The following CSRNP3 variants were observed in gnomAD, a reference collection of about 807,000 sequenced individuals.
The protein encoded by CSRNP3 is cysteine and serine rich nuclear protein 3.
A neutral mutation model predicts 48.0 loss-of-function variants in CSRNP3; 12 were observed. The ratio of observed to expected loss-of-function variants is 0.25; its 90% CI spans 0.16 to 0.41. The LOEUF (loss-of-function observed/expected upper bound fraction) is 0.41. CSRNP3 is among the 10% of genes least tolerant of loss of function. The pLI is 1.00. For missense variants in CSRNP3, 580 were observed against 724.4 expected (o/e 0.80, Z 2.29); for synonymous variants, 263 against 269.7 (o/e 0.98, Z 0.24).
intron 3 of CSRNP3, among the ~76,000 whole-genome samples, chr2:165,559,801 T>C (rs946342220): frequency 7.3e-6 from 1 of 137,276 alleles, no homozygotes; most frequent in Non-Finnish European, 1.6e-5. Context: ...TCTTTCTTTT[T>C]TTTTTTTTTT....
intron 3 of CSRNP3, among the ~76,000 whole-genome samples, chr2:165,573,560 T>G (rs1685404002): frequency 6.6e-6 from 1 of 152,222 alleles, no homozygotes. Context: ...ATATGAATCT[T>G]TAGATTTAAA....
chr2:165,632,511 T>C (rs959454073), intron 4 of CSRNP3, among the ~76,000 whole-genome samples: 6 of 151,912 alleles, frequency 3.9e-5, no homozygotes, highest in Non-Finnish European at 8.8e-5. Flanking sequence ...CCTGTCTCTT[T>C]AAAAAAAATA....
intron 3 of CSRNP3, among the ~76,000 whole-genome samples, chr2:165,567,229 T>TTA (rs1183561758): frequency 6.6e-6 from 1 of 152,112 alleles, no homozygotes; most frequent in Non-Finnish European, 1.5e-5. Context: ...TAAGAAGAAA[T>TTA]CATTACAGTC....
chr2:165,555,422 A>G (rs984265774), intron 3 of CSRNP3, among the ~76,000 whole-genome samples: 1 of 152,210 alleles, frequency 6.6e-6, no homozygotes, highest in Non-Finnish European at 1.5e-5. Context: ...CAAGCCCAAA[A>G]CCATAGAGCA....
intron 3 of CSRNP3, chr2:165,572,725 G>A (rs1685391256): frequency 6.6e-6 from 1 of 152,132 alleles, no homozygotes; most frequent in African/African-American, 2.4e-5. Flanking sequence ...CACTTGAATT[G>A]ACCCAATGCG....
intron 3 of CSRNP3, among the ~76,000 whole-genome samples, chr2:165,529,141 T>C (rs943495797): frequency 6.6e-6 from 1 of 152,118 alleles, no homozygotes; most frequent in Non-Finnish European, 1.5e-5. Context: ...AAAATCAGAA[T>C]GAGATATTGC....
intron 3 of CSRNP3, among the ~76,000 whole-genome samples, chr2:165,569,952 G>A (rs1054335066): frequency 4.6e-5 from 7 of 151,296 alleles, no homozygotes; most frequent in Admixed American, 3.9e-4. Context: ...TTGTTTGTCT[G>A]TGTTGTTAGA....
At chr2:165,609,362 G>A (rs901350994) in intron 4 of CSRNP3, among the ~76,000 whole-genome samples, 39 of 150,730 alleles carry the variant, frequency 2.6e-4, no homozygotes, top group African/African-American at 9.5e-4. Flanking sequence ...GGGAGGCTGA[G>A]GCAGGAGAAT....
intron 4 of CSRNP3, among the ~76,000 whole-genome samples, chr2:165,609,325 G>A (rs1686092546): frequency 6.6e-6 from 1 of 151,362 alleles, no homozygotes; most frequent in Non-Finnish European, 1.5e-5. Context: ...CGGGCACGGT[G>A]GCGGGCGCTT....
At chr2:165,608,755 G>T (rs1350804747) in intron 4 of CSRNP3, among the ~76,000 whole-genome samples, 2 of 149,312 alleles carry the variant, frequency 1.3e-5, no homozygotes, top group Non-Finnish European at 3.0e-5. Context: ...TCCCCATATA[G>T]ATAGCAGTCT....
chr2:165,630,870 A>G (rs575610026), intron 4 of CSRNP3, among the ~76,000 whole-genome samples: 65 of 152,316 alleles, frequency 4.3e-4, no homozygotes, highest in African/African-American at 1.5e-3. Flanking sequence ...CATTTATTTA[A>G]CAAACATTTA....
chr2:165,500,341 G>T (rs982609812), intron 2 of CSRNP3, among the ~76,000 whole-genome samples: 9 of 148,466 alleles, frequency 6.1e-5, no homozygotes, highest in Non-Finnish European at 1.0e-4. Context: ...ATATACATAT[G>T]TATATATGTA....
chr2:165,661,384 T>C (rs1421045020), intron 5 of CSRNP3, among the ~76,000 whole-genome samples: 1 of 152,160 alleles, frequency 6.6e-6, no homozygotes, highest in African/African-American at 2.4e-5. Context: ...AACACTTACA[T>C]TGGCCTACCG....
At position 165,551,808 on chromosome 2, in the gene CSRNP3, T is replaced by G. The variant is rs543023256; in HGVS notation, c.-24+33847T>G. Among the ~76,000 whole-genome samples the G allele has an allele frequency of 2.0e-5, 3 of 152,126 alleles. No homozygotes were observed. The East Asian group carries it at 5.8e-4, about 29-fold the overall frequency. ...TTATTAAAAAAAAAAATCTCAGAAC[T>G]CCAAACACATTTAGGCTGTGATGTC... On this transcript the variant is annotated intron_variant, in intron 3 of 6. Transcript: ENST00000651982.
chr2:165,492,263 T>G (rs1684223057), intron 1 of CSRNP3, among the ~76,000 whole-genome samples: 1 of 152,196 alleles, frequency 6.6e-6, no homozygotes, highest in South Asian at 2.1e-4. Context: ...GTTGTCCCTT[T>G]AAAATGTAAG....
chr2:165,490,625 A>G (rs1684191637), intron 1 of CSRNP3, among the ~76,000 whole-genome samples: 1 of 142,628 alleles, frequency 7.0e-6, no homozygotes, highest in African/African-American at 2.6e-5. Context: ...AACAGAACAG[A>G]GCCCTCAGAA....
At chr2:165,491,954 A>T (rs1394043551) in intron 1 of CSRNP3, among the ~76,000 whole-genome samples, 6 of 151,312 alleles carry the variant, frequency 4.0e-5, no homozygotes, top group African/African-American at 1.2e-4. Flanking sequence ...GTATAATAAA[A>T]AAAAAAAAAA....
chr2:165,497,778 A>G (rs1280310700), intron 2 of CSRNP3, among the ~76,000 whole-genome samples: 1 of 151,960 alleles, frequency 6.6e-6, no homozygotes, highest in Non-Finnish European at 1.5e-5. Context: ...AGAGGACTTT[A>G]ATGTAGATCC....
At position 165,683,442 on chromosome 2, in the gene CSRNP3, A is replaced by G. The variant is rs922011831; in HGVS notation, c.*3689A>G. The G allele has an allele frequency of 6.6e-6, 1 of 152,086 alleles. No homozygotes were observed. Among genetic ancestry groups the G allele is most frequent in the African/African-American group, 2.4e-5 (1 of 41,442 alleles). 9.4% of individuals were successfully genotyped at this position (152,086 alleles called of 1,614,324 possible). Reference sequence around the variant, plus strand: ...AGCAAAGAGAGTATGTTAAGTGGCTATGTTCTTTAAAATTTTACATTCTAA... The same window carrying G: ...AGCAAAGAGAGTATGTTAAGTGGCTGTGTTCTTTAAAATTTTACATTCTAA... On this transcript the variant is annotated 3_prime_UTR_variant, in exon 7 of 7. Transcript: ENST00000651982.
Sources: allele counts gnomAD v4.1 joint callset (sites outside exome capture counted in the v4.1 genomes callset), GRCh38; gene constraint gnomAD v4.1.1; transcripts MANE v1.5; gene names NCBI Gene and HGNC (gene_info 2026-07-23, HGNC 2026-07-21).